PCDHA4: variants seen among roughly 807,000 people sequenced by gnomAD.
The protein encoded by PCDHA4 is protocadherin alpha-4.
PCDHA4 carries 49 observed loss-of-function variants against 61.4 expected under a neutral mutation model. That is an observed-to-expected ratio of 0.80 (90% CI 0.63 to 1.01). The LOEUF (loss-of-function observed/expected upper bound fraction) is 1.01, where lower values mean the gene tolerates loss of function less well. Ranked by LOEUF, PCDHA4 falls within the 50% of genes least tolerant of loss-of-function variation. The pLI is 0.00. For synonymous variants in PCDHA4, 590 were observed against 550.3 expected, an observed-to-expected ratio of 1.07 and a Z score of -1.01; for missense variants, 1,254 against 1,235.8, an observed-to-expected ratio of 1.01 and a Z score of -0.22.
At position 140,876,234 on chromosome 5, in the gene PCDHA4, T is replaced by C. The variant is rs1260556049; in HGVS notation, c.2385+66662T>C. 4 of 1,613,902 alleles carry C rather than the reference T, an allele frequency of 2.5e-6. No individual in the cohort carries two copies. In the South Asian group the frequency reaches 3.3e-5, roughly 13 times the overall value. On this transcript the variant is annotated intron_variant, in intron 1 of 3. Transcript: ENST00000530339. ...GCTATAAAGTAGTGTTGTCTGAAAA[T>C]GTCCAAAACGACACAAGAGTGATCC...
chr5:140,994,249 G>A (rs17119346), intron 3 of PCDHA4, among the ~76,000 whole-genome samples: 45,238 of 152,008 alleles, frequency 0.3, 6,962 homozygotes, highest in East Asian at 0.43. Flanking sequence ...CAAACCCTAG[G>A]TAAATAAGGT....
intron 1 of PCDHA4, among the ~76,000 whole-genome samples, chr5:140,975,052 T>C (rs2096651440): frequency 6.6e-6 from 1 of 152,206 alleles, no homozygotes; most frequent in South Asian, 2.1e-4. Context: ...AGGAAGAATC[T>C]ACTATCGAGC....
chr5:140,871,625 A>C (rs1360108001), intron 1 of PCDHA4: 1 of 1,403,018 alleles, frequency 7.1e-7, no homozygotes, highest in Non-Finnish European at 9.4e-7. Context: ...TTAGATAACA[A>C]TGTCTGTTCA....
intron 1 of PCDHA4, among the ~76,000 whole-genome samples, chr5:140,969,939 G>A (rs188120855): frequency 4.6e-5 from 7 of 152,340 alleles, no homozygotes; most frequent in Admixed American, 2.6e-4. Context: ...ACATCATACT[G>A]AAGCTAAAGT....
chr5:140,847,627 T>G (rs886255064), intron 1 of PCDHA4: 2 of 149,354 alleles, frequency 1.3e-5, no homozygotes, highest in Non-Finnish European at 3.0e-5. Flanking sequence ...CAAACTATAT[T>G]GGAGACTACA....
chr5:140,848,615 A>G, intron 1 of PCDHA4: 1 of 1,593,618 alleles, frequency 6.3e-7, no homozygotes, highest in East Asian at 2.2e-5. Flanking sequence ...AGGAAGCCGA[A>G]CACGGCACCT....
intron 1 of PCDHA4, among the ~76,000 whole-genome samples, chr5:140,873,700 A>G (rs1411262715): frequency 3.3e-5 from 5 of 152,202 alleles, no homozygotes; most frequent in African/African-American, 1.2e-4. Flanking sequence ...TTGCTCTATC[A>G]CCCAGGCTGG....
chr5:140,844,739 T>G (rs1370806912), intron 1 of PCDHA4, among the ~76,000 whole-genome samples: 1 of 149,606 alleles, frequency 6.7e-6, no homozygotes, highest in Non-Finnish European at 1.5e-5. Context: ...ATATTTAGTA[T>G]TATGGGATAA....
At chr5:140,836,867 G>T in intron 1 of PCDHA4, 1 of 732,152 alleles carries the variant, frequency 1.4e-6, no homozygotes. Flanking sequence ...TTAATGTTAT[G>T]CTGTATTTGC....
intron 1 of PCDHA4, among the ~76,000 whole-genome samples, chr5:140,834,064 G>T (rs1347200172): frequency 4.6e-5 from 7 of 152,160 alleles, no homozygotes; most frequent in African/African-American, 1.4e-4. Flanking sequence ...ACAATCATGA[G>T]AAATGCTATT....
chr5:140,828,666 T>C lies in PCDHA4; in HGVS notation c.2385+19094T>C, dbSNP rs111411595. The stretch of plus-strand genomic sequence containing the variant: ...ATAAACAGTGATGACAATAAACAAA[T>C]TGGGCTCTTATTAAAGAAATCCTTG... On this transcript the variant is annotated intron_variant, in intron 1 of 3. Coordinates refer to ENST00000530339, the MANE Select transcript of PCDHA4 (RefSeq NM_018907.4). 181 of 1,614,044 alleles carry C rather than the reference T, an allele frequency of 1.1e-4. No individual in the cohort carries two copies. The highest frequency in any genetic ancestry group is 1.7e-4 in the African/African-American group (13 of 74,926).
At chr5:140,991,740 GCT>G (rs1175946938) in intron 3 of PCDHA4, among the ~76,000 whole-genome samples, 3 of 152,200 alleles carry the variant, frequency 2.0e-5, no homozygotes, top group African/African-American at 7.2e-5. Context: ...GGTAATGTAG[GCT>G]CTTTCTATCA....
At chr5:140,822,585 G>C (rs2150117508) in intron 1 of PCDHA4, 20 of 1,611,928 alleles carry the variant, frequency 1.2e-5, no homozygotes, top group Non-Finnish European at 1.6e-5. Context: ...ATGCAGATGA[G>C]GGCATCAATA....
chr5:140,975,601 GA>G (rs781785883), intron 1 of PCDHA4, among the ~76,000 whole-genome samples: 1 of 152,192 alleles, frequency 6.6e-6, no homozygotes, highest in Non-Finnish European at 1.5e-5. Flanking sequence ...GCAATTTGTT[GA>G]TGTCTTCCAC....
intron 3 of PCDHA4, among the ~76,000 whole-genome samples, chr5:141,004,888 G>C (rs555046086): frequency 2.0e-5 from 3 of 152,132 alleles, no homozygotes; most frequent in Admixed American, 6.5e-5. Flanking sequence ...GTGCTATTGT[G>C]TCAGCTCTGC....
chr5:140,823,849 C>A (rs1767900839), intron 1 of PCDHA4: 2 of 1,613,738 alleles, frequency 1.2e-6, no homozygotes, highest in Non-Finnish European at 1.7e-6. Flanking sequence ...CGAGGCTGCC[C>A]TGGTGGATGT....
In PCDHA4 at chr5:140,835,502, C is replaced by A. The variant is rs139807581; in HGVS notation, c.2385+25930C>A. The stretch of plus-strand genomic sequence containing the variant: ...CAGGTACCGTCATCACATTGATTAG[C>A]GTGTTTGACCGAGATTTTGGAGTCA... On this transcript the variant is annotated intron_variant, in intron 1 of 3. Transcript: ENST00000530339. 2.5e-6 allele frequency: 4 copies of A among 1,613,806 alleles called. No homozygotes were observed. The highest frequency in any genetic ancestry group is 1.7e-5 in the Admixed American group (1 of 59,986).
At position 140,997,696 on chromosome 5, in the gene PCDHA4, GTA is replaced by G. The variant is rs1328869274; in HGVS notation, c.2534-11929_2534-11928del. On this transcript the variant is annotated intron_variant, in intron 3 of 3. Transcript: ENST00000530339. ...TGTGTGTGTGTGTGTGTGTGTGTGT[GTA>G]TGTTAACAAACACCTTTCTACGTCA... Among the ~76,000 whole-genome samples, 208 of 148,602 alleles carry G rather than the reference GTA, an allele frequency of 1.4e-3. 1 individual carries two copies. Among genetic ancestry groups the G allele is most frequent in the African/African-American group, 4.8e-3 (197 of 40,710 alleles).
At chr5:140,992,095 G>T (rs1554252652) in intron 3 of PCDHA4, among the ~76,000 whole-genome samples, 1 of 151,540 alleles carries the variant, frequency 6.6e-6, no homozygotes, top group East Asian at 1.9e-4. Context: ...TAGAGAAAGA[G>T]AATTAAGGTG....
Sources: gnomAD v4.1 joint callset for allele counts (sites outside exome capture counted in the v4.1 genomes callset) on GRCh38, gnomAD v4.1.1 for gene constraint, MANE v1.5 for transcripts, NCBI Gene and HGNC (gene_info 2026-07-23, HGNC 2026-07-21) for gene names.